PALS2: variants seen among roughly 807,000 people sequenced by gnomAD.
PALS2 encodes protein associated with LIN7 2, MAGUK p55 family member.
A neutral mutation model predicts 61.6 loss-of-function variants in PALS2; 27 were observed. That is an observed-to-expected ratio of 0.44 (90% CI 0.32 to 0.60). PALS2 has a LOEUF of 0.60. Among genes scored for constraint, PALS2 ranks in the 20% least tolerant of loss-of-function variants. PALS2 has a pLI of 0.05. For missense variants in PALS2, 554 were observed against 639.4 expected (o/e 0.87, Z 1.44); for synonymous variants, 236 against 218.6 (o/e 1.08, Z -0.70).
At chr7:24,601,872 C>G (rs1783731966) in intron 1 of PALS2, among the ~76,000 whole-genome samples, 4 of 151,938 alleles carry the variant, frequency 2.6e-5, no homozygotes, top group Admixed American at 2.6e-4. Flanking sequence ...TCTTTTTTCT[C>G]AGTATTCTGA....
At chr7:24,649,996 C>CA (rs201135204) in intron 4 of PALS2, among the ~76,000 whole-genome samples, 1 of 151,916 alleles carries the variant, frequency 6.6e-6, no homozygotes, top group African/African-American at 2.4e-5. Context: ...CAAGGGGTAG[C>CA]AAAAAATTTC....
chr7:24,602,054 A>C (rs1462046158), intron 1 of PALS2, among the ~76,000 whole-genome samples: 1 of 151,948 alleles, frequency 6.6e-6, no homozygotes, highest in Non-Finnish European at 1.5e-5. Flanking sequence ...TCTGGTTTAG[A>C]TGCCCTCTAA....
chr7:24,635,536 T>A (rs1396709767), intron 2 of PALS2, among the ~76,000 whole-genome samples: 1 of 152,210 alleles, frequency 6.6e-6, no homozygotes, highest in South Asian at 2.1e-4. Context: ...ATGGCTTTTT[T>A]ATTTTTCTTG....
At chr7:24,589,583 C>G (rs1298626821) in intron 1 of PALS2, among the ~76,000 whole-genome samples, 1 of 152,112 alleles carries the variant, frequency 6.6e-6, no homozygotes, top group Non-Finnish European at 1.5e-5. Flanking sequence ...TCAGGGCAGT[C>G]AAATGCATTT....
At chr7:24,585,384 T>G (rs898493408) in intron 1 of PALS2, among the ~76,000 whole-genome samples, 1 of 152,184 alleles carries the variant, frequency 6.6e-6, no homozygotes, top group African/African-American at 2.4e-5. Flanking sequence ...TTCACATCCC[T>G]TGTAAGTTGG....
chr7:24,671,729 G>A (rs749916752), intron 9 of PALS2, among the ~76,000 whole-genome samples: 1 of 152,028 alleles, frequency 6.6e-6, no homozygotes, highest in South Asian at 2.1e-4. Context: ...ATGTGAGGAG[G>A]GGGTTCCAAC....
At chr7:24,582,006 T>A (rs563009960) in intron 1 of PALS2, among the ~76,000 whole-genome samples, 1 of 152,350 alleles carries the variant, frequency 6.6e-6, no homozygotes, top group South Asian at 2.1e-4. Flanking sequence ...TCATCATTCT[T>A]ATATAAGCCA....
At chr7:24,669,126 T>G (rs1298682474) in intron 9 of PALS2, among the ~76,000 whole-genome samples, 1 of 152,224 alleles carries the variant, frequency 6.6e-6, no homozygotes, top group Non-Finnish European at 1.5e-5. Flanking sequence ...ACCTGATTTT[T>G]GATAGCACAT....
chr7:24,637,822 G>C (rs923522243), intron 2 of PALS2, among the ~76,000 whole-genome samples: 1 of 152,100 alleles, frequency 6.6e-6, no homozygotes, highest in Non-Finnish European at 1.5e-5. Context: ...CTCAGAACTG[G>C]ATATTTAAGA....
At chr7:24,589,971 T>A (rs1478077767) in intron 1 of PALS2, among the ~76,000 whole-genome samples, 1 of 152,184 alleles carries the variant, frequency 6.6e-6, no homozygotes, top group Non-Finnish European at 1.5e-5. Flanking sequence ...TATTTGGTTT[T>A]CTACCACAGT....
intron 1 of PALS2, among the ~76,000 whole-genome samples, chr7:24,590,170 A>G (rs571284008): frequency 6.6e-6 from 1 of 152,322 alleles, no homozygotes; most frequent in African/African-American, 2.4e-5. Context: ...GCCCAGAGAA[A>G]GTCCACTTGG....
Position 24,618,589 on chromosome 7 carries a change from G to A in PALS2, c.-2-5077G>A, listed in dbSNP as rs1477902205. ...GCTCCCCAAACTGGGCTCAGGGCTT[G>A]CAAGGACTGTGGATTCTCCTGTAGT... On this transcript the variant is annotated intron_variant, in intron 1 of 11. Transcript: ENST00000222644. This position sits in a 1 kb window ranked among gnomAD's most constrained non-coding sequence, Gnocchi z 5.1. 6.6e-6 allele frequency among the ~76,000 whole-genome samples: 1 copy of A among 152,234 alleles called. No individual in the cohort carries two copies. The highest frequency in any genetic ancestry group is 2.4e-5 in the African/African-American group (1 of 41,466).
At chr7:24,678,853 G>T (rs955394876) in intron 9 of PALS2, among the ~76,000 whole-genome samples, 3 of 152,100 alleles carry the variant, frequency 2.0e-5, no homozygotes, top group Non-Finnish European at 2.9e-5. Flanking sequence ...CTATTAAAGG[G>T]CCACATGGTA....
intron 9 of PALS2, among the ~76,000 whole-genome samples, chr7:24,672,760 C>A (rs1450402360): frequency 6.6e-6 from 1 of 151,982 alleles, no homozygotes; most frequent in African/African-American, 2.4e-5. Context: ...TGTCTTTTAG[C>A]CTTATTGACC....
At chr7:24,577,154 TCA>T (rs1355565601) in intron 1 of PALS2, among the ~76,000 whole-genome samples, 1 of 152,148 alleles carries the variant, frequency 6.6e-6, no homozygotes. Context: ...GTAAGTATAT[TCA>T]CAGAGTAATG....
At chr7:24,659,397 C>T (rs1187316820) in intron 5 of PALS2, among the ~76,000 whole-genome samples, 3 of 152,136 alleles carry the variant, frequency 2.0e-5, no homozygotes, top group Non-Finnish European at 4.4e-5. Flanking sequence ...ATGATAGTTC[C>T]GTTTTAAGTT....
chr7:24,627,786 C>T (rs1252504333), intron 2 of PALS2, among the ~76,000 whole-genome samples: 1 of 152,204 alleles, frequency 6.6e-6, no homozygotes, highest in South Asian at 2.1e-4. Context: ...ATAAGTAATT[C>T]GTGGACACAT....
rs114029334 is a variant in PALS2 at position 24,658,246 on chromosome 7, G to A, written c.652-5344G>A. Among the ~76,000 whole-genome samples the A allele has an allele frequency of 3.5e-3, 538 of 152,078 alleles. 5 individuals are homozygous for A. The highest frequency in any genetic ancestry group is 0.012 in the African/African-American group (511 of 41,492). On this transcript the variant is annotated intron_variant, in intron 5 of 11. Coordinates refer to ENST00000222644, the MANE Select transcript of PALS2 (RefSeq NM_001303037.2). Reference sequence around the variant, plus strand: ...GGTATTTTTCATCTCAGATATTTTGGCTTTCATTTCTAGAAGTTCAGATTG... The same window carrying A: ...GGTATTTTTCATCTCAGATATTTTGACTTTCATTTCTAGAAGTTCAGATTG...
At chr7:24,662,904 G>A (rs1786810648) in intron 5 of PALS2, among the ~76,000 whole-genome samples, 1 of 151,698 alleles carries the variant, frequency 6.6e-6, no homozygotes, top group East Asian at 1.9e-4. Flanking sequence ...CCCAAATTTC[G>A]GAGATCATAA....
Sources: allele counts gnomAD v4.1 joint callset (sites outside exome capture counted in the v4.1 genomes callset), GRCh38; gene constraint gnomAD v4.1.1; non-coding constraint Gnocchi (gnomAD v3.1); transcripts MANE v1.5; gene names NCBI Gene and HGNC (gene_info 2026-07-23, HGNC 2026-07-21).